SWT1: variants seen among roughly 807,000 people sequenced by gnomAD.
SWT1 encodes SWT1 RNA endoribonuclease homolog.
Under a neutral mutation model 107.3 loss-of-function variants are expected in SWT1, and 33 were observed. That is an observed-to-expected ratio of 0.31 (90% CI 0.23 to 0.41). The LOEUF is 0.41. Among genes scored for constraint, SWT1 ranks in the 10% least tolerant of loss-of-function variants. The pLI is 1.00. For missense variants in SWT1, 898 were observed against 1,028.9 expected (o/e 0.87, Z 1.74); for synonymous variants, 345 against 348.3 (o/e 0.99, Z 0.11).
At chr1:185,272,161 C>G (rs929107118) in intron 17 of SWT1, among the ~76,000 whole-genome samples, 4 of 152,162 alleles carry the variant, frequency 2.6e-5, no homozygotes, top group African/African-American at 9.7e-5. Flanking sequence ...GAAAGGAGAG[C>G]TATAATTTAG....
Position 185,226,095 on chromosome 1 carries a change from A to G in SWT1, c.2309+4059A>G, listed in dbSNP as rs1571554080. ...CAGAAAGTTACCATATATCCCTGAC[A>G]GGGATAACCACTTTCAAAATAAAAT... is the stretch of plus-strand genomic sequence containing the variant. On this transcript the variant is annotated intron_variant, in intron 15 of 18. Transcript: ENST00000367500. Among the ~76,000 whole-genome samples, 3 of 152,256 alleles carry G rather than the reference A, an allele frequency of 2.0e-5. No homozygotes were observed. In the Middle Eastern group the frequency reaches 0.01, roughly 518 times the overall value.
At chr1:185,270,053 A>G (rs989553822) in intron 16 of SWT1, among the ~76,000 whole-genome samples, 1 of 152,216 alleles carries the variant, frequency 6.6e-6, no homozygotes, top group African/African-American at 2.4e-5. Flanking sequence ...ACTGTATAGT[A>G]CTTGCTGTAT....
Position 185,175,166 on chromosome 1 carries a change from TAGTTA to T in SWT1, c.966+58_966+62del, listed in dbSNP as rs570680343. ...GGTTTTAACTGAGAGTTTATTAATA[TAGTTA>T]AGTTTTTTCTGTATTTCTATATTTT... is the stretch of plus-strand genomic sequence containing the variant. On this transcript the variant is annotated intron_variant, in intron 5 of 18. Coordinates refer to ENST00000367500, the MANE Select transcript of SWT1 (RefSeq NM_017673.7). 1.3e-3 allele frequency: 1,720 copies of T among 1,280,262 alleles called. 5 individuals carry two copies. The highest frequency in any genetic ancestry group is 3.8e-3 in the Middle Eastern group (14 of 3,658). 79.3% of individuals were successfully genotyped at this position (1,280,262 alleles called of 1,614,324 possible).
chr1:185,262,507 A>G (rs1161214769), intron 16 of SWT1: 4 of 152,244 alleles, frequency 2.6e-5, no homozygotes, highest in Admixed American at 2.0e-4. Context: ...CATGAGGTAC[A>G]TGGCTCCCCA....
chr1:185,174,373 T>C lies in SWT1; in HGVS notation c.226T>C (p.Leu76=). The change falls in exon 5 of 19, where the codon TTG becomes CTG. Residue 76 remains leucine, a splice_region_variant and synonymous_variant. Transcript: ENST00000367500. ...CTAGGTTTCTGTGCTGTTTTACAGA[T>C]TGAGTGTAGAAATTGACACTCTCAG... is the stretch of plus-strand genomic sequence containing the variant. ...NIKRRQGLKR[L]SVEIDTLRRR... The C allele has an allele frequency of 6.5e-7, 1 of 1,537,468 alleles. No individual in the cohort carries two copies. The highest frequency in any genetic ancestry group is 8.7e-7 in the Non-Finnish European group (1 of 1,150,210).
intron 6 of SWT1, 112 bp from the exon 7 acceptor site, chr1:185,181,834 T>G (rs1472327701): frequency 9.1e-7 from 1 of 1,102,286 alleles, no homozygotes; most frequent in African/African-American, 1.6e-5. Flanking sequence ...TTTATAAAAT[T>G]TTTTCTTTCC....
intron 16 of SWT1, among the ~76,000 whole-genome samples, chr1:185,251,033 T>G (rs1661978789): frequency 6.6e-6 from 1 of 152,196 alleles, no homozygotes; most frequent in South Asian, 2.1e-4. Context: ...TCTAAATTCT[T>G]GAAACTGAAA....
chr1:185,196,278 G>C (rs1487203254), intron 10 of SWT1, among the ~76,000 whole-genome samples: 1 of 152,048 alleles, frequency 6.6e-6, no homozygotes, highest in Non-Finnish European at 1.5e-5. Context: ...GTTTTTGTCA[G>C]GTTTGTCAAA....
At chr1:185,272,743 G>A (rs974662891) in intron 17 of SWT1, among the ~76,000 whole-genome samples, 2 of 152,102 alleles carry the variant, frequency 1.3e-5, no homozygotes. Context: ...CAGGCACAGA[G>A]AACTAGTCTT....
intron 16 of SWT1, among the ~76,000 whole-genome samples, chr1:185,254,583 T>G (rs1221770558): frequency 6.6e-6 from 1 of 150,550 alleles, no homozygotes; most frequent in East Asian, 2.0e-4. Context: ...GTTTGTAGTA[T>G]TCTCTGATGG....
At chr1:185,178,357 G>T (rs900082209) in intron 5 of SWT1, among the ~76,000 whole-genome samples, 4 of 152,162 alleles carry the variant, frequency 2.6e-5, no homozygotes, top group Non-Finnish European at 5.9e-5. Context: ...GGATGATTTC[G>T]TATCATGGGA....
intron 16 of SWT1, among the ~76,000 whole-genome samples, chr1:185,270,021 G>A (rs1558092496): frequency 6.6e-6 from 1 of 152,166 alleles, no homozygotes; most frequent in Non-Finnish European, 1.5e-5. Context: ...AGTTGTTACT[G>A]TCACTGTTAT....
At chr1:185,205,888 CATCTT>C (rs1425096844) in intron 12 of SWT1, among the ~76,000 whole-genome samples, 1 of 152,122 alleles carries the variant, frequency 6.6e-6, no homozygotes, top group Non-Finnish European at 1.5e-5. Context: ...GAAGTGCTGA[CATCTT>C]ATAGAATTAA....
At chr1:185,267,439 G>T (rs947686310) in intron 16 of SWT1, among the ~76,000 whole-genome samples, 5 of 152,166 alleles carry the variant, frequency 3.3e-5, no homozygotes, top group African/African-American at 1.2e-4. Flanking sequence ...TGTTCAGTAA[G>T]TCATTATGTG....
At chr1:185,266,069 A>T (rs931283400) in intron 16 of SWT1, among the ~76,000 whole-genome samples, 24 of 149,902 alleles carry the variant, frequency 1.6e-4, no homozygotes, top group Admixed American at 3.3e-4. Context: ...TTTAAATTTT[A>T]TTTTTTTTTT....
chr1:185,204,647 A>G (rs1028654951), intron 11 of SWT1, 53 bp from the exon 12 acceptor site: 7 of 965,018 alleles, frequency 7.3e-6, no homozygotes, highest in Middle Eastern at 2.3e-4. Flanking sequence ...AATTATATGT[A>G]TAATAATTAC....
intron 1 of SWT1, among the ~76,000 whole-genome samples, 169 bp from the exon 2 acceptor site, chr1:185,160,664 T>C (rs1654062523): frequency 6.6e-6 from 1 of 151,818 alleles, no homozygotes; most frequent in Non-Finnish European, 1.5e-5. Context: ...ATCATCCCAC[T>C]GCACTCCAGC....
chr1:185,279,898 T>C lies in SWT1; in HGVS notation c.2573+3230T>C, dbSNP rs367609949. 4.6e-5 allele frequency among the ~76,000 whole-genome samples: 7 copies of C among 152,162 alleles called. No individual in the cohort carries two copies. In the East Asian group the frequency reaches 1.3e-3, roughly 29 times the overall value. ...TATTTAAATTGTCTGAATTTGATAA[T>C]CTTTGTTTTTGTTTTTTTTAAAGCA... is the stretch of plus-strand genomic sequence containing the variant. On this transcript the variant is annotated intron_variant, in intron 18 of 18. Transcript: ENST00000367500.
At chr1:185,161,772 T>C (rs939431379) in intron 2 of SWT1, among the ~76,000 whole-genome samples, 1 of 152,130 alleles carries the variant, frequency 6.6e-6, no homozygotes, top group Non-Finnish European at 1.5e-5. Context: ...CTGGGTATTG[T>C]CTCCAGGAAG....
Sources: gnomAD v4.1 joint callset for allele counts (sites outside exome capture counted in the v4.1 genomes callset) on GRCh38, gnomAD v4.1.1 for gene constraint, MANE v1.5 for transcripts, NCBI Gene and HGNC (gene_info 2026-07-23, HGNC 2026-07-21) for gene names.